RUFY1: variants seen among roughly 807,000 people sequenced by gnomAD.
The protein encoded by RUFY1 is RUN and FYVE domain-containing protein 1.
In RUFY1, 54 loss-of-function variants were observed where a neutral mutation model predicts 94.6. The ratio of observed to expected loss-of-function variants is 0.57; its 90% CI spans 0.46 to 0.72. RUFY1 has a LOEUF of 0.72. RUFY1 is among the 30% of genes least tolerant of loss of function. The pLI is 0.00. For missense variants in RUFY1, 883 were observed against 883.9 expected (o/e 1.00, Z 0.01); for synonymous variants, 396 against 347.3 (o/e 1.14, Z -1.56).
At chr5:179,600,169 C>T (rs1005451688) in intron 14 of RUFY1, 72 of 152,238 alleles carry the variant, frequency 4.7e-4, no homozygotes, top group Admixed American at 4.6e-3. Context: ...TCTAATAACC[C>T]CAGTTAAGCC....
chr5:179,597,973 G>A (rs990378699), intron 13 of RUFY1, among the ~76,000 whole-genome samples: 1 of 152,172 alleles, frequency 6.6e-6, no homozygotes. Context: ...GGGAGATCAC[G>A]AGGTCAGGAG....
chr5:179,598,813 C>G lies in RUFY1; in HGVS notation c.1753C>G (p.Leu585Val). ...GATGGAGCTGCAACAAGTGGAAGGACTGAAAAAGGTGAGGTGGGCCATCCC... is the reference window on the plus strand; with the variant it reads ...GATGGAGCTGCAACAAGTGGAAGGAGTGAAAAAGGTGAGGTGGGCCATCCC... The part of the protein sequence containing the change: ...LRMELQQVEG[L>V]KKELRELQDE... Residue 585 changes from leucine (L) to valine (V), a missense_variant, in exon 14 of 18, where the codon CTG becomes GTG. Transcript: ENST00000319449. 1.2e-6 allele frequency: 2 copies of G among 1,614,088 alleles called. No individual in the cohort carries two copies. Among genetic ancestry groups the G allele is most frequent in the African/African-American group, 1.3e-5 (1 of 75,022 alleles).
intron 16 of RUFY1, chr5:179,607,332 C>T: frequency 3.8e-6 from 2 of 530,638 alleles, no homozygotes; most frequent in Non-Finnish European, 6.8e-6. Flanking sequence ...CTGGAGACCG[C>T]CTGGAGGCCC....
intron 3 of RUFY1, among the ~76,000 whole-genome samples, chr5:179,563,167 G>A (rs137893557): frequency 2.6e-5 from 4 of 152,116 alleles, no homozygotes; most frequent in Non-Finnish European, 5.9e-5. Flanking sequence ...ATCTAGAAAG[G>A]GTCTTAGGGA....
intron 15 of RUFY1, among the ~76,000 whole-genome samples, chr5:179,605,320 A>G (rs1766952143): frequency 6.6e-6 from 1 of 151,050 alleles, no homozygotes; most frequent in Non-Finnish European, 1.5e-5. Flanking sequence ...CCTCAATTGC[A>G]CAAACTGCTT....
intron 5 of RUFY1, among the ~76,000 whole-genome samples, chr5:179,573,141 T>G: frequency 6.6e-6 from 1 of 152,216 alleles, no homozygotes; most frequent in Non-Finnish European, 1.5e-5. Context: ...GACACATTCT[T>G]TTAATGACTG....
chr5:179,607,917 T>C (rs1462459365), intron 17 of RUFY1, among the ~76,000 whole-genome samples: 3 of 152,208 alleles, frequency 2.0e-5, no homozygotes, highest in Non-Finnish European at 4.4e-5. Flanking sequence ...CAATGATTTT[T>C]GGGGAGATGG....
chr5:179,607,003 C>T (rs958162681), intron 16 of RUFY1: 1 of 153,590 alleles, frequency 6.5e-6, no homozygotes, highest in Middle Eastern at 3.4e-3. Context: ...CCTCAGCCGC[C>T]TCCCCTGTGG....
intron 1 of RUFY1, chr5:179,559,603 T>G: frequency 1.1e-6 from 1 of 927,484 alleles, no homozygotes; most frequent in Non-Finnish European, 1.3e-6. Context: ...ACTCGCCCAA[T>G]AGGAATGTTT....
chr5:179,594,183 T>G lies in RUFY1; in HGVS notation c.1413+538T>G, dbSNP rs980186956. ...TGGGCATGGAGGTGCACGCCTCTAA[T>G]CCCAGATACTCAGAAGGCTGAGGCA... On this transcript the variant is annotated intron_variant, in intron 11 of 17. Coordinates refer to ENST00000319449, the MANE Select transcript of RUFY1 (RefSeq NM_025158.5). Among the ~76,000 whole-genome samples the G allele has an allele frequency of 4.6e-5, 7 of 151,532 alleles. No individual in the cohort carries two copies. The East Asian group carries it at 5.8e-4, about 13-fold the overall frequency.
In RUFY1 at chr5:179,601,962, A is replaced by C; in HGVS notation, c.1832A>C (p.Gln611Pro). 1 of 1,613,810 alleles carries C rather than the reference A, an allele frequency of 6.2e-7. No individual in the cohort carries two copies. The highest frequency in any genetic ancestry group is 8.5e-7 in the Non-Finnish European group (1 of 1,179,868). Residue 611 changes from glutamine (Q) to proline (P), a missense_variant, in exon 15 of 18, where the codon CAG (glutamine) becomes CCG (proline). Coordinates refer to ENST00000319449, the MANE Select transcript of RUFY1 (RefSeq NM_025158.5). ...KICEEQEQAL[Q>P]EMGLHLSQSK... ...TGCGAGGAGCAGGAACAAGCCCTCC[A>C]GGAAATGGGCCTGCACCTCAGCCAG...
rs1284315225 is a variant in RUFY1 at position 179,580,245 on chromosome 5, A to AT, written c.891-687dup. Among the ~76,000 whole-genome samples the AT allele has an allele frequency of 3.9e-3, 316 of 81,674 alleles. 1 individual carries two copies. The highest frequency in any genetic ancestry group is 0.012 in the African/African-American group (223 of 18,614). The allele number at this position is 81,674 out of a possible 152,430, so 53.6% of individuals were successfully genotyped here. A position where few individuals can be genotyped will look rare whatever the true frequency, so the allele number is the denominator to read the frequency against. On this transcript the variant is annotated intron_variant, in intron 6 of 17. Transcript: ENST00000319449. ...TGTGTGTGTGTGTGTGTGTGTGTAT[A>AT]TTTTTTTTTTTTTTTGAGACGGAGT...
intron 13 of RUFY1, chr5:179,596,885 A>G (rs1380803354): frequency 3.4e-6 from 2 of 590,928 alleles, no homozygotes; most frequent in Non-Finnish European, 5.5e-6. Context: ...CACGTGGTCC[A>G]GCTCGCCTCC....
At chr5:179,595,008 A>C in intron 12 of RUFY1, 45 bp downstream of exon 12, 7 of 1,349,284 alleles carry the variant, frequency 5.2e-6, no homozygotes, top group Non-Finnish European at 7.4e-6. Context: ...GGCTCTGAGC[A>C]TTCCCTGGGC....
chr5:179,606,029 G>A, intron 16 of RUFY1, 105 bp downstream of exon 16: 1 of 793,560 alleles, frequency 1.3e-6, no homozygotes, highest in Non-Finnish European at 2.2e-6. Context: ...GTGTGGTTGA[G>A]GCAGTGGTGA....
At chr5:179,564,596 A>G (rs1232758589) in intron 3 of RUFY1, among the ~76,000 whole-genome samples, 1 of 151,144 alleles carries the variant, frequency 6.6e-6, no homozygotes. Context: ...GCCTGAACCC[A>G]GGAGGTGGAG....
intron 4 of RUFY1, 65 bp downstream of exon 4, chr5:179,567,627 G>A (rs984405714): frequency 2.1e-5 from 24 of 1,164,806 alleles, no homozygotes; most frequent in Middle Eastern, 2.0e-4. Flanking sequence ...GGCTGGGTGC[G>A]GTGGCTCACA....
chr5:179,599,570 G>A (rs1469307725), intron 14 of RUFY1: 1 of 152,512 alleles, frequency 6.6e-6, no homozygotes, highest in East Asian at 1.9e-4. Flanking sequence ...GGTCCAGCAG[G>A]CCTTCACTGT....
At chr5:179,565,899 T>C (rs578097411) in intron 3 of RUFY1, among the ~76,000 whole-genome samples, 1 of 152,102 alleles carries the variant, frequency 6.6e-6, no homozygotes, top group East Asian at 1.9e-4. Context: ...CCCAACACTT[T>C]GAGAGGCTGA....
Sources: gnomAD v4.1 joint callset for allele counts (sites outside exome capture counted in the v4.1 genomes callset) on GRCh38, gnomAD v4.1.1 for gene constraint, MANE v1.5 for transcripts, NCBI Gene and HGNC (gene_info 2026-07-23, HGNC 2026-07-21) for gene names.